The following ROR1 variants were observed in gnomAD, a reference collection of about 807,000 sequenced individuals.
The protein encoded by ROR1 is ROR family WNT receptor 1, also known as inactive tyrosine-protein kinase transmembrane receptor ROR1.
Under a neutral mutation model 78.8 loss-of-function variants are expected in ROR1, and 19 were observed. The observed-to-expected ratio is 0.24, with a 90% CI of 0.17 to 0.35. ROR1 has a LOEUF of 0.35. Ranked by LOEUF, ROR1 falls within the 10% of genes least tolerant of loss-of-function variation. The pLI is 1.00. For synonymous variants in ROR1, 386 were observed against 433.6 expected (o/e 0.89, Z 1.36); for missense variants, 917 against 1,177.8 (o/e 0.78, Z 3.24).
intron 4 of ROR1, among the ~76,000 whole-genome samples, chr1:64,116,514 T>G (rs935686933): frequency 2.0e-5 from 3 of 152,210 alleles, no homozygotes; most frequent in Non-Finnish European, 4.4e-5. Context: ...GAATATGTTG[T>G]TCTGAAGCCT....
At chr1:64,165,701 CTTTTTTTTTTTT>C (rs576997668) in intron 8 of ROR1, among the ~76,000 whole-genome samples, 1 of 102,920 alleles carries the variant, frequency 9.7e-6, no homozygotes, top group Admixed American at 1.2e-4. Flanking sequence ...TCGGGTTTTA[CTTTTTTTTTTTT>C]TTTTTTTTTG....
chr1:63,861,583 G>A (rs1056141543), intron 1 of ROR1, among the ~76,000 whole-genome samples: 7 of 152,184 alleles, frequency 4.6e-5, no homozygotes, highest in Admixed American at 1.3e-4. Flanking sequence ...AGCCGAGCAC[G>A]TTGAACTGAC....
chr1:64,122,850 C>T (rs572026463), intron 4 of ROR1, among the ~76,000 whole-genome samples: 13 of 152,186 alleles, frequency 8.5e-5, no homozygotes, highest in Admixed American at 1.3e-4. Flanking sequence ...TGAATGATCA[C>T]TGATGTATAG....
intron 8 of ROR1, among the ~76,000 whole-genome samples, chr1:64,176,684 C>T (rs541855126): frequency 6.6e-6 from 1 of 152,096 alleles, no homozygotes; most frequent in South Asian, 2.1e-4. Flanking sequence ...GAAGGTTTTG[C>T]GGGAAGTGGG....
intron 1 of ROR1, among the ~76,000 whole-genome samples, chr1:63,799,354 C>T: frequency 6.6e-6 from 1 of 152,202 alleles, no homozygotes. Context: ...CATTGTCTGA[C>T]TTCTCTCACC....
At chr1:63,842,013 T>C (rs1334741641) in intron 1 of ROR1, among the ~76,000 whole-genome samples, 1 of 152,196 alleles carries the variant, frequency 6.6e-6, no homozygotes, top group Non-Finnish European at 1.5e-5. Flanking sequence ...TACATTCTTG[T>C]ACCTGTTATA....
chr1:64,175,536 AC>A (rs1650357620), intron 8 of ROR1, among the ~76,000 whole-genome samples: 1 of 152,250 alleles, frequency 6.6e-6, no homozygotes, highest in African/African-American at 2.4e-5. Flanking sequence ...GTTTAAAGCA[AC>A]AAATTACCAT....
chr1:64,137,218 T>G, intron 4 of ROR1, 151 bp from the exon 5 acceptor site: 1 of 689,738 alleles, frequency 1.4e-6, no homozygotes, highest in Non-Finnish European at 2.3e-6. Flanking sequence ...TTTTAAGAAC[T>G]GAGCAAAAGC....
At chr1:64,077,476 G>A (rs1200261540) in intron 4 of ROR1, among the ~76,000 whole-genome samples, 1 of 152,244 alleles carries the variant, frequency 6.6e-6, no homozygotes, top group Non-Finnish European at 1.5e-5. Flanking sequence ...CTGTGTCTGG[G>A]AAGAGAGAAG....
chr1:63,916,093 A>G (rs1168515536), intron 1 of ROR1, among the ~76,000 whole-genome samples: 1 of 152,198 alleles, frequency 6.6e-6, no homozygotes, highest in Non-Finnish European at 1.5e-5. Flanking sequence ...CAAAGCTTAT[A>G]GCTGAAAACA....
At position 63,774,522 on chromosome 1, in the gene ROR1, G is replaced by A; in HGVS notation, c.91+14G>A. The A allele has an allele frequency of 9.1e-7, 1 of 1,101,522 alleles. No homozygotes were observed. Among genetic ancestry groups the A allele is most frequent in the Non-Finnish European group, 1.1e-6 (1 of 906,422 alleles). The allele number at this position is 1,101,522 out of a possible 1,614,324, so 68.2% of individuals were successfully genotyped here. On this transcript the variant is annotated intron_variant, in intron 1 of 8. Transcript: ENST00000371079. The surrounding 1 kb of genome is among the most constrained non-coding windows in gnomAD (Gnocchi z 5.7). ...CTGCTGCCCAAGGTAAGAGGCGCCC[G>A]CCGGCCCCCGCCCGCCCAGACCCCC...
intron 7 of ROR1, among the ~76,000 whole-genome samples, chr1:64,149,826 C>A (rs1649571078): frequency 6.6e-6 from 1 of 152,196 alleles, no homozygotes; most frequent in Non-Finnish European, 1.5e-5. Context: ...CTAGGTTCAC[C>A]ATTTCACTGT....
At chr1:63,894,872 G>A (rs147586313) in intron 1 of ROR1, among the ~76,000 whole-genome samples, 20 of 152,270 alleles carry the variant, frequency 1.3e-4, no homozygotes, top group African/African-American at 4.8e-4. Flanking sequence ...CAAGAGTGAT[G>A]CATCTTAAGT....
At chr1:63,839,631 C>CA (rs1000191022) in intron 1 of ROR1, among the ~76,000 whole-genome samples, 2 of 152,016 alleles carry the variant, frequency 1.3e-5, no homozygotes, top group African/African-American at 4.8e-5. Flanking sequence ...TATAAACACA[C>CA]AAAAAATCAC....
At chr1:63,932,481 A>T (rs926087833) in intron 1 of ROR1, among the ~76,000 whole-genome samples, 2 of 152,170 alleles carry the variant, frequency 1.3e-5, no homozygotes, top group Non-Finnish European at 2.9e-5. Context: ...AGTGAGGCCT[A>T]CCAATGAGAG....
intron 1 of ROR1, among the ~76,000 whole-genome samples, chr1:63,846,862 G>A (rs551235555): frequency 5.9e-5 from 9 of 152,304 alleles, no homozygotes; most frequent in East Asian, 5.8e-4. Context: ...GCGGCACAGC[G>A]CGTTACTGCA....
At chr1:64,047,330 G>A (rs902394958) in intron 2 of ROR1, among the ~76,000 whole-genome samples, 4 of 152,210 alleles carry the variant, frequency 2.6e-5, no homozygotes, top group African/African-American at 9.7e-5. Flanking sequence ...ACTGGTTGAA[G>A]TGCTTCCCAG....
At chr1:63,986,771 C>T (rs928563102) in intron 1 of ROR1, among the ~76,000 whole-genome samples, 3 of 151,418 alleles carry the variant, frequency 2.0e-5, no homozygotes, top group South Asian at 2.1e-4. Context: ...GTGGTGTGTA[C>T]CTGTGGTCCC....
intron 1 of ROR1, among the ~76,000 whole-genome samples, chr1:63,785,178 A>G (rs189370399): frequency 8.5e-5 from 13 of 152,328 alleles, no homozygotes; most frequent in Admixed American, 2.6e-4. Flanking sequence ...TTTTCTCCAT[A>G]AGAGAGATTA....
Sources: gnomAD v4.1 joint callset for allele counts (sites outside exome capture counted in the v4.1 genomes callset) on GRCh38, gnomAD v4.1.1 for gene constraint, Gnocchi (gnomAD v3.1) non-coding constraint, MANE v1.5 for transcripts, NCBI Gene and HGNC (gene_info 2026-07-23, HGNC 2026-07-21) for gene names.